The following WARS2 variants were observed in gnomAD, a reference collection of about 807,000 sequenced individuals.
WARS2 encodes tryptophanyl tRNA synthetase 2, mitochondrial, also known as tryptophan--tRNA ligase, mitochondrial.
WARS2 carries 28 observed loss-of-function variants against 36.5 expected under a neutral mutation model. The ratio of observed to expected loss-of-function variants is 0.77; its 90% CI spans 0.57 to 1.05. The LOEUF (loss-of-function observed/expected upper bound fraction) is 1.05, where lower values mean the gene tolerates loss of function less well. Ranked by LOEUF, WARS2 falls within the 50% of genes least tolerant of loss-of-function variation. The probability of loss-of-function intolerance (pLI) is 0.00; values close to 1 mark genes in which losing one functional copy is unlikely to be tolerated. For synonymous variants in WARS2, 174 were observed against 178.4 expected, an observed-to-expected ratio of 0.98 and a Z score of 0.20; for missense variants, 435 against 456.8, an observed-to-expected ratio of 0.95 and a Z score of 0.44.
At chr1:119,048,990 G>T (rs2101144351) in intron 2 of WARS2, among the ~76,000 whole-genome samples, 1 of 152,280 alleles carries the variant, frequency 6.6e-6, no homozygotes, top group East Asian at 1.9e-4. Flanking sequence ...TTGAATCCGG[G>T]AGGCAAAGGC....
intron 1 of WARS2, among the ~76,000 whole-genome samples, chr1:119,113,316 G>C (rs1287550351): frequency 6.6e-6 from 1 of 152,076 alleles, no homozygotes; most frequent in South Asian, 2.1e-4. Context: ...GTTGCCCCCT[G>C]TAAGAGTCAT....
At chr1:119,092,321 G>A (rs138887939) in intron 1 of WARS2, among the ~76,000 whole-genome samples, 16 of 152,196 alleles carry the variant, frequency 1.1e-4, no homozygotes, top group African/African-American at 1.7e-4. Context: ...AGTAGCCAGC[G>A]TCACCAATTC....
chr1:119,054,405 A>G (rs1172044985), intron 2 of WARS2, among the ~76,000 whole-genome samples: 14 of 152,098 alleles, frequency 9.2e-5, no homozygotes. Context: ...AGAAAATAGT[A>G]AGTGTGGTGA....
chr1:119,135,749 GAT>G (rs1491538503), intron 1 of WARS2, among the ~76,000 whole-genome samples: 8 of 114,066 alleles, frequency 7.0e-5, no homozygotes, highest in African/African-American at 9.1e-5. Flanking sequence ...TAGATAGATA[GAT>G]AGAGAGATAG....
chr1:119,043,057 G>A (rs1157321903), intron 3 of WARS2, among the ~76,000 whole-genome samples: 2 of 152,076 alleles, frequency 1.3e-5, no homozygotes, highest in Non-Finnish European at 2.9e-5. Flanking sequence ...ATAACTGGGG[G>A]GGGCAATAGA....
At chr1:119,091,187 A>T (rs1653017487) in intron 1 of WARS2, among the ~76,000 whole-genome samples, 2 of 152,258 alleles carry the variant, frequency 1.3e-5, no homozygotes, top group African/African-American at 4.8e-5. Flanking sequence ...TTTGCAAATT[A>T]TGTAACCTCT....
intron 1 of WARS2, among the ~76,000 whole-genome samples, chr1:119,106,264 C>T (rs1654231373): frequency 6.6e-6 from 1 of 152,134 alleles, no homozygotes; most frequent in South Asian, 2.1e-4. Context: ...CTACTGGCAT[C>T]CCACACCATA....
At chr1:119,099,333 T>C (rs1653690988) in intron 1 of WARS2, among the ~76,000 whole-genome samples, 3 of 152,216 alleles carry the variant, frequency 2.0e-5, no homozygotes, top group Non-Finnish European at 4.4e-5. Context: ...GAAATGTGTT[T>C]AGGTTTTTTA....
chr1:119,126,954 G>A (rs1655706672), intron 1 of WARS2: 2 of 738,294 alleles, frequency 2.7e-6, no homozygotes, highest in Non-Finnish European at 4.9e-6. Context: ...GCCATTTTTT[G>A]ATCATGGAAC....
chr1:119,051,917 G>A (rs113693328), intron 2 of WARS2, among the ~76,000 whole-genome samples: 13 of 151,422 alleles, frequency 8.6e-5, no homozygotes, highest in South Asian at 2.1e-4. Context: ...TGCAACTACC[G>A]CCCGGCTAAT....
At chr1:119,111,891 T>A (rs1654661110) in intron 1 of WARS2, among the ~76,000 whole-genome samples, 1 of 152,108 alleles carries the variant, frequency 6.6e-6, no homozygotes, top group African/African-American at 2.4e-5. Context: ...CTTTGACAGA[T>A]CTAAGAAGGT....
At chr1:119,063,642 C>A (rs890861012) in intron 2 of WARS2, 7 of 152,168 alleles carry the variant, frequency 4.6e-5, no homozygotes, top group African/African-American at 1.7e-4. Context: ...CCTAGCCACT[C>A]CAGCTGTGGC....
chr1:119,037,004 C>T (rs577444452), intron 4 of WARS2, among the ~76,000 whole-genome samples: 32 of 152,298 alleles, frequency 2.1e-4, no homozygotes, highest in African/African-American at 7.7e-4. Context: ...ATTCTACTCA[C>T]TTATGTGCCT....
intron 1 of WARS2, among the ~76,000 whole-genome samples, chr1:119,101,102 G>A (rs1258687493): frequency 6.6e-6 from 1 of 152,026 alleles, no homozygotes; most frequent in Non-Finnish European, 1.5e-5. Context: ...TGGGTTGAAG[G>A]GTAAAAACAT....
chr1:119,087,407 AACAAGTT>A (rs1652754160), intron 1 of WARS2, among the ~76,000 whole-genome samples: 3 of 152,344 alleles, frequency 2.0e-5, no homozygotes, highest in African/African-American at 7.2e-5. Context: ...GCAATTGTTA[AACAAGTT>A]ACGTTCTAAG....
chr1:119,038,218 G>T (rs56750694), intron 4 of WARS2, among the ~76,000 whole-genome samples: 2,089 of 152,296 alleles, frequency 0.014, 55 homozygotes, highest in African/African-American at 0.048. Context: ...AGTGGAAAGA[G>T]AAAGATAAAA....
In WARS2 at chr1:119,046,938, G is replaced by C. The variant is rs556169922; in HGVS notation, c.349-1276C>G. On this transcript the variant is annotated intron_variant, in intron 2 of 5. Transcript: ENST00000235521. ...TTCTACTAACAAGGAATCGCCATCT[G>C]TTGTAAGATAGTTTCTCATTTTTTT... Among the ~76,000 whole-genome samples the C allele has an allele frequency of 3.6e-4, 55 of 152,286 alleles. 2 individuals carry two copies. The South Asian group carries it at 0.01, about 28-fold the overall frequency.
chr1:119,136,763 T>C (rs1456285293), intron 1 of WARS2, among the ~76,000 whole-genome samples: 1 of 152,214 alleles, frequency 6.6e-6, no homozygotes, highest in African/African-American at 2.4e-5. Flanking sequence ...ATGAAATGCC[T>C]ACATTAAATC....
intron 2 of WARS2, among the ~76,000 whole-genome samples, chr1:119,073,892 T>C (rs898088287): frequency 1.6e-4 from 25 of 152,166 alleles, no homozygotes; most frequent in African/African-American, 4.8e-5. Context: ...TCCTGAGAGA[T>C]TGAGCTCAAA....
Sources: allele counts gnomAD v4.1 joint callset (sites outside exome capture counted in the v4.1 genomes callset), GRCh38; gene constraint gnomAD v4.1.1; transcripts MANE v1.5; gene names NCBI Gene and HGNC (gene_info 2026-07-23, HGNC 2026-07-21).